AGBL4: variants seen among roughly 807,000 people sequenced by gnomAD.
AGBL4 encodes AGBL carboxypeptidase 4.
In AGBL4, 58 loss-of-function variants were observed where a neutral mutation model predicts 66.4. The ratio of observed to expected loss-of-function variants is 0.87; its 90% confidence interval spans 0.71 to 1.09. The LOEUF is 1.09. AGBL4 is among the 50% of genes least tolerant of loss of function. The pLI is 0.00. For missense variants in AGBL4, 579 were observed against 631.0 expected (o/e 0.92, Z 0.88); for synonymous variants, 234 against 222.9 (o/e 1.05, Z -0.44).
At chr1:48,617,667 A>G (rs1645341862) in intron 9 of AGBL4, among the ~76,000 whole-genome samples, 1 of 151,836 alleles carries the variant, frequency 6.6e-6, no homozygotes, top group South Asian at 2.1e-4. Flanking sequence ...TTTCTGTCCT[A>G]CGGGCTGGCC....
intron 6 of AGBL4, among the ~76,000 whole-genome samples, chr1:48,743,929 C>G (rs1054147049): frequency 6.6e-6 from 1 of 152,140 alleles, no homozygotes; most frequent in Non-Finnish European, 1.5e-5. Flanking sequence ...AACTGAAAGA[C>G]GAAGTCTCTG....
chr1:49,188,531 C>A (rs1557712159), intron 4 of AGBL4, among the ~76,000 whole-genome samples: 1 of 152,108 alleles, frequency 6.6e-6, no homozygotes, highest in Admixed American at 6.6e-5. Flanking sequence ...ATACTGCAGA[C>A]AATTATTACA....
intron 11 of AGBL4, among the ~76,000 whole-genome samples, chr1:48,575,478 T>A (rs749025057): frequency 1.3e-5 from 2 of 152,178 alleles, no homozygotes; most frequent in Non-Finnish European, 2.9e-5. Flanking sequence ...GCTGCCACAG[T>A]GACCTCCAGG....
intron 4 of AGBL4, among the ~76,000 whole-genome samples, chr1:49,167,238 T>C (rs189355288): frequency 2.0e-5 from 3 of 152,344 alleles, no homozygotes; most frequent in African/African-American, 7.2e-5. Flanking sequence ...CCTCTAGTTT[T>C]CTATTACTAT....
chr1:49,011,686 G>T (rs1232423701), intron 5 of AGBL4, among the ~76,000 whole-genome samples: 1 of 152,062 alleles, frequency 6.6e-6, no homozygotes, highest in East Asian at 1.9e-4. Flanking sequence ...GTACACCATC[G>T]AATCCTATGC....
At chr1:48,974,896 C>T (rs571397652) in intron 5 of AGBL4, among the ~76,000 whole-genome samples, 1 of 152,210 alleles carries the variant, frequency 6.6e-6, no homozygotes, top group East Asian at 1.9e-4. Flanking sequence ...AGCATACCTT[C>T]CCTATATTTT....
chr1:49,984,301 G>T (rs1053189601), intron 1 of AGBL4, among the ~76,000 whole-genome samples: 1 of 152,174 alleles, frequency 6.6e-6, no homozygotes, highest in Admixed American at 6.5e-5. Context: ...TCGTACAGAA[G>T]ACCACCAGCC....
intron 3 of AGBL4, among the ~76,000 whole-genome samples, chr1:49,356,908 T>C (rs550028906): frequency 1.3e-5 from 2 of 152,316 alleles, no homozygotes; most frequent in African/African-American, 2.4e-5. Context: ...CTTCACCTGA[T>C]TGACCTCAAA....
At chr1:48,941,975 C>T (rs1488355694) in intron 5 of AGBL4, among the ~76,000 whole-genome samples, 1 of 152,192 alleles carries the variant, frequency 6.6e-6, no homozygotes, top group African/African-American at 2.4e-5. Context: ...CTTTCCAATG[C>T]CTTTTTCTCT....
intron 4 of AGBL4, among the ~76,000 whole-genome samples, chr1:49,047,278 G>T (rs942599033): frequency 6.6e-6 from 1 of 152,116 alleles, no homozygotes; most frequent in Non-Finnish European, 1.5e-5. Context: ...GGGGTCTAAG[G>T]TGGGTAAGAA....
intron 1 of AGBL4, among the ~76,000 whole-genome samples, chr1:49,963,080 C>CAT (rs1199294482): frequency 6.6e-6 from 1 of 152,098 alleles, no homozygotes; most frequent in Non-Finnish European, 1.5e-5. Context: ...ACTGAATATA[C>CAT]ATATATTTCC....
chr1:49,324,223 T>C (rs1020723606), intron 3 of AGBL4, among the ~76,000 whole-genome samples: 1 of 152,234 alleles, frequency 6.6e-6, no homozygotes, highest in African/African-American at 2.4e-5. Context: ...CACCAGAGAA[T>C]GTCTTCTGAA....
At position 49,875,402 on chromosome 1, in the gene AGBL4, C is replaced by T. The variant is rs1324127958; in HGVS notation, c.35-23884G>A. On this transcript the variant is annotated intron_variant, in intron 1 of 13. Coordinates refer to ENST00000371839, the MANE Select transcript of AGBL4 (RefSeq NM_032785.4). ...ATTCCCACCTATGAGTGAGAATATG[C>T]GGTGTTTGGTTTTTTGTTCTTGCGA... Among the ~76,000 whole-genome samples, 49 of 134,854 alleles carry T rather than the reference C, an allele frequency of 3.6e-4. No homozygotes were observed. In the East Asian group the frequency reaches 5.2e-3, roughly 14 times the overall value. 88.5% of individuals were successfully genotyped at this position (134,854 alleles called of 152,430 possible). A position where few individuals can be genotyped will look rare whatever the true frequency, so the allele number is the denominator to read the frequency against.
intron 5 of AGBL4, among the ~76,000 whole-genome samples, chr1:48,978,852 T>G (rs1659541282): frequency 6.6e-6 from 1 of 152,136 alleles, no homozygotes; most frequent in Non-Finnish European, 1.5e-5. Flanking sequence ...ATAGCTGCAA[T>G]GTTTTCAATC....
chr1:49,562,623 A>G (rs142994574), intron 3 of AGBL4, among the ~76,000 whole-genome samples: 4 of 152,172 alleles, frequency 2.6e-5, no homozygotes, highest in African/African-American at 9.6e-5. Context: ...ATTTGTAGAT[A>G]TATGGCATTA....
chr1:49,815,361 TG>T (rs1645205825), intron 2 of AGBL4, among the ~76,000 whole-genome samples: 2 of 152,188 alleles, frequency 1.3e-5, no homozygotes, highest in African/African-American at 4.8e-5. Context: ...ATTCTTTTTA[TG>T]GGTGAATAGT....
Position 49,244,423 on chromosome 1 carries a change from G to A in AGBL4, c.377+1347C>T, listed in dbSNP as rs367669004. Among the ~76,000 whole-genome samples the A allele has an allele frequency of 7.9e-5, 12 of 151,754 alleles. No individual in the cohort carries two copies. In the East Asian group the frequency reaches 9.7e-4, roughly 12 times the overall value. ...GCAGCAGATTAGTTGATTTGATACA[G>A]GAAAGCAAAAAATCATGCCCAAGGA... is the stretch of plus-strand genomic sequence containing the variant. On this transcript the variant is annotated intron_variant, in intron 4 of 13. Coordinates refer to ENST00000371839, the MANE Select transcript of AGBL4 (RefSeq NM_032785.4).
At chr1:49,266,233 G>C (rs1643916717) in intron 3 of AGBL4, 1 of 152,038 alleles carries the variant, frequency 6.6e-6, no homozygotes, top group South Asian at 2.1e-4. Flanking sequence ...CTTGTGAGAA[G>C]GCAGCCAAAA....
intron 2 of AGBL4, among the ~76,000 whole-genome samples, chr1:49,781,000 A>G (rs1308078188): frequency 6.6e-6 from 1 of 152,214 alleles, no homozygotes; most frequent in Non-Finnish European, 1.5e-5. Context: ...ATTCAAAGAT[A>G]CAAATTGATG....
Sources: gnomAD v4.1 joint callset for allele counts (sites outside exome capture counted in the v4.1 genomes callset) on GRCh38, gnomAD v4.1.1 for gene constraint, MANE v1.5 for transcripts, NCBI Gene and HGNC (gene_info 2026-07-23, HGNC 2026-07-21) for gene names.